MLIP: variants seen among roughly 807,000 people sequenced by gnomAD.
The protein encoded by MLIP is muscular LMNA-interacting protein.
MLIP carries 79 observed loss-of-function variants against 84.8 expected under a neutral mutation model. The observed-to-expected ratio is 0.93, with a 90% CI of 0.78 to 1.12. MLIP has a LOEUF of 1.12. Ranked by LOEUF, MLIP falls within the 50% of genes most tolerant of loss-of-function variation. MLIP has a pLI of 0.00. For missense variants in MLIP, 1,257 were observed against 1,160.6 expected, an observed-to-expected ratio of 1.08 and a Z score of -1.21; for synonymous variants, 504 against 463.0, an observed-to-expected ratio of 1.09 and a Z score of -1.14.
intron 3 of MLIP, among the ~76,000 whole-genome samples, chr6:54,129,131 A>T (rs764217513): frequency 6.6e-5 from 10 of 152,152 alleles, no homozygotes; most frequent in Non-Finnish European, 8.8e-5. Context: ...TGTTTATTAA[A>T]TAACTAGATT....
At chr6:54,063,621 T>C (rs907776730) in intron 1 of MLIP, among the ~76,000 whole-genome samples, 1 of 152,192 alleles carries the variant, frequency 6.6e-6, no homozygotes, top group Admixed American at 6.5e-5. Context: ...TTAAGGTAAG[T>C]AAATTTGTCC....
At chr6:54,041,094 T>C (rs1490725736) in intron 1 of MLIP, 1 of 152,014 alleles carries the variant, frequency 6.6e-6, no homozygotes, top group Admixed American at 6.6e-5. Flanking sequence ...AAACAAAAAA[T>C]CTGTCATGGA....
chr6:54,040,223 A>G (rs1764666058), intron 1 of MLIP, among the ~76,000 whole-genome samples: 2 of 152,044 alleles, frequency 1.3e-5, no homozygotes, highest in Admixed American at 6.6e-5. Flanking sequence ...TCATGGGACC[A>G]GCATTAAGGT....
intron 8 of MLIP, among the ~76,000 whole-genome samples, chr6:54,163,039 G>T (rs967982135): frequency 2.0e-5 from 3 of 151,988 alleles, no homozygotes; most frequent in Non-Finnish European, 2.9e-5. Flanking sequence ...TAAGTCTAAA[G>T]AAGTGTTTAT....
intron 1 of MLIP, among the ~76,000 whole-genome samples, chr6:54,117,621 A>T (rs955698863): frequency 2.6e-5 from 4 of 151,796 alleles, no homozygotes; most frequent in Admixed American, 6.6e-5. Context: ...AGTTAAATTG[A>T]CCTTGTTTGC....
intron 8 of MLIP, among the ~76,000 whole-genome samples, chr6:54,167,902 T>C (rs1222067069): frequency 2.6e-5 from 4 of 151,768 alleles, no homozygotes; most frequent in Non-Finnish European, 5.9e-5. Context: ...ACTTTCTCTC[T>C]CTATACCTGT....
chr6:54,201,990 A>T (rs935972610), intron 10 of MLIP, 115 bp from the exon 11 acceptor site: 6 of 727,226 alleles, frequency 8.3e-6, no homozygotes, highest in African/African-American at 3.7e-5. Context: ...TTTTAAAATT[A>T]AAAAAATATA....
At chr6:54,090,647 CTGTGTGTGTGTGTA>C (rs1231572671) in intron 1 of MLIP, among the ~76,000 whole-genome samples, 5 of 127,390 alleles carry the variant, frequency 3.9e-5, no homozygotes, top group African/African-American at 1.4e-4. Context: ...AGTATTGTAT[CTGTGTGTGTGTGTA>C]TGTGTGTGTG....
intron 12 of MLIP, among the ~76,000 whole-genome samples, chr6:54,239,598 T>C (rs1251795180): frequency 1.3e-5 from 2 of 148,256 alleles, no homozygotes; most frequent in Non-Finnish European, 3.0e-5. Flanking sequence ...TCCAACGTGG[T>C]GAAACCCCAT....
intron 1 of MLIP, among the ~76,000 whole-genome samples, chr6:54,059,878 T>C (rs1246313582): frequency 1.3e-5 from 2 of 152,256 alleles, no homozygotes; most frequent in Non-Finnish European, 2.9e-5. Context: ...CTAAACTTAG[T>C]TTCACTTTTA....
At chr6:54,158,436 A>G (rs1396244099) in intron 5 of MLIP, among the ~76,000 whole-genome samples, 1 of 152,080 alleles carries the variant, frequency 6.6e-6, no homozygotes, top group East Asian at 1.9e-4. Context: ...TGCTTATTGC[A>G]TTTTTGGTAA....
At chr6:54,057,122 G>A (rs1056571804) in intron 1 of MLIP, among the ~76,000 whole-genome samples, 2 of 152,150 alleles carry the variant, frequency 1.3e-5, no homozygotes, top group Non-Finnish European at 2.9e-5. Context: ...CAGTTTTTCA[G>A]ATCAAGAGAC....
chr6:54,159,711 A>G (rs1774415084), intron 5 of MLIP, among the ~76,000 whole-genome samples: 1 of 152,076 alleles, frequency 6.6e-6, no homozygotes, highest in Non-Finnish European at 1.5e-5. Flanking sequence ...TCTGGAAAAG[A>G]GAGTGCCAAA....
intron 12 of MLIP, among the ~76,000 whole-genome samples, chr6:54,239,564 A>G (rs1326240360): frequency 2.0e-5 from 3 of 150,658 alleles, no homozygotes; most frequent in East Asian, 3.9e-4. Flanking sequence ...TGAGGTCAGG[A>G]GTTCAAGACC....
intron 1 of MLIP, among the ~76,000 whole-genome samples, chr6:54,059,338 T>C (rs550144519): frequency 6.6e-6 from 1 of 152,298 alleles, no homozygotes; most frequent in East Asian, 1.9e-4. Context: ...TGTATGTAGA[T>C]CCCTCAGAAC....
chr6:54,262,360 A>G (rs1446584397), intron 13 of MLIP, among the ~76,000 whole-genome samples: 1 of 152,054 alleles, frequency 6.6e-6, no homozygotes, highest in Non-Finnish European at 1.5e-5. Flanking sequence ...CGTATAGCCA[A>G]GGAGATAGAC....
At chr6:54,211,138 T>A (rs910527272) in intron 11 of MLIP, among the ~76,000 whole-genome samples, 2 of 151,834 alleles carry the variant, frequency 1.3e-5, no homozygotes, top group Non-Finnish European at 2.9e-5. Flanking sequence ...TACTCAGGAG[T>A]CTGAGGCAGG....
At chr6:54,252,091 A>C (rs1272166217) in intron 12 of MLIP, among the ~76,000 whole-genome samples, 6 of 73,270 alleles carry the variant, frequency 8.2e-5, no homozygotes, top group African/African-American at 4.8e-4. Flanking sequence ...TAATATAAAT[A>C]TATATTATAA....
At chr6:54,252,253 A>G (rs1464649211) in intron 12 of MLIP, among the ~76,000 whole-genome samples, 2 of 113,456 alleles carry the variant, frequency 1.8e-5, no homozygotes, top group African/African-American at 7.5e-5. Flanking sequence ...AGTATAATAT[A>G]TTATAACATA....
Sources: allele counts gnomAD v4.1 joint callset (sites outside exome capture counted in the v4.1 genomes callset), GRCh38; gene constraint gnomAD v4.1.1; transcripts MANE v1.5; gene names NCBI Gene and HGNC (gene_info 2026-07-23, HGNC 2026-07-21).